The following NRF1 variants were observed in gnomAD, a reference collection of about 807,000 sequenced individuals.
NRF1 encodes the protein alpha palindromic-binding protein.
NRF1 carries 5 observed loss-of-function variants against 58.5 expected under a neutral mutation model. The observed-to-expected ratio is 0.09, with a 90% CI of 0.04 to 0.18. The LOEUF is 0.18. Among genes scored for constraint, NRF1 ranks in the 10% least tolerant of loss-of-function variants. The pLI is 1.00. For missense variants in NRF1, 288 were observed against 657.7 expected (o/e 0.44, Z 6.15); for synonymous variants, 224 against 246.7 (o/e 0.91, Z 0.86).
rs570443253 is a variant in NRF1 at position 129,716,001 on chromosome 7, G to A, written c.1066-1218G>A. On this transcript the variant is annotated intron_variant, in intron 8 of 10. Coordinates refer to ENST00000393232, the MANE Select transcript of NRF1 (RefSeq NM_005011.5). ...GCCTGGGCAACAAGAGCAAAACTCC[G>A]TCTCCAACAACAAAAAAAAAAAAGC... is the stretch of plus-strand genomic sequence containing the variant. Among the ~76,000 whole-genome samples, 58 of 147,872 alleles carry A rather than the reference G, an allele frequency of 3.9e-4. 1 individual carries two copies. The highest frequency in any genetic ancestry group is 2.8e-4 in the Non-Finnish European group (19 of 67,378).
At chr7:129,690,597 G>A in intron 5 of NRF1, 51 bp downstream of exon 5, 1 of 1,600,786 alleles carries the variant, frequency 6.2e-7, no homozygotes, top group African/African-American at 1.3e-5. Context: ...GCACAGGTGT[G>A]GGCGGGCCTC....
chr7:129,700,407 A>T (rs1231995531), intron 5 of NRF1, among the ~76,000 whole-genome samples: 3 of 152,142 alleles, frequency 2.0e-5, no homozygotes, highest in Non-Finnish European at 4.4e-5. Flanking sequence ...GTCTTCAGGG[A>T]TGGATCTAGG....
intron 9 of NRF1, among the ~76,000 whole-genome samples, chr7:129,726,899 G>C (rs369944924): frequency 7.6e-4 from 116 of 152,248 alleles, no homozygotes; most frequent in African/African-American, 2.6e-3. Flanking sequence ...TGTGAATATG[G>C]ATCAGAGCTT....
chr7:129,648,909 A>G (rs1056160984), intron 1 of NRF1, among the ~76,000 whole-genome samples: 1 of 137,872 alleles, frequency 7.3e-6, no homozygotes, highest in Non-Finnish European at 1.6e-5. Context: ...ATGTACAACT[A>G]TAGCTTCATT....
At chr7:129,635,469 T>C (rs986779666) in intron 1 of NRF1, among the ~76,000 whole-genome samples, 7 of 152,176 alleles carry the variant, frequency 4.6e-5, no homozygotes, top group African/African-American at 1.7e-4. Flanking sequence ...TCATACTGTT[T>C]GTATAATTCT....
chr7:129,699,975 TAA>T (rs11426755), intron 5 of NRF1, among the ~76,000 whole-genome samples: 2 of 143,044 alleles, frequency 1.4e-5, no homozygotes, highest in African/African-American at 2.6e-5. Flanking sequence ...CCGTCTCCAC[TAA>T]AAAAAAAAAA....
At chr7:129,717,494 C>T in intron 9 of NRF1, 118 bp downstream of exon 9, 1 of 1,096,224 alleles carries the variant, frequency 9.1e-7, no homozygotes, top group Non-Finnish European at 1.3e-6. Context: ...TGGAACTTAA[C>T]ACTCTTGGCC....
intron 10 of NRF1, among the ~76,000 whole-genome samples, chr7:129,731,290 G>A (rs1803573362): frequency 6.8e-6 from 1 of 147,114 alleles, no homozygotes; most frequent in African/African-American, 2.5e-5. Context: ...AAAAAAAAAG[G>A]TAATGACCCA....
chr7:129,679,919 G>A (rs1251617341), intron 4 of NRF1, among the ~76,000 whole-genome samples: 5 of 150,368 alleles, frequency 3.3e-5, no homozygotes, highest in African/African-American at 1.2e-4. Flanking sequence ...TTAGCCAGAC[G>A]TGGTGGCGGG....
chr7:129,674,586 A>C (rs1156729953), intron 3 of NRF1, among the ~76,000 whole-genome samples: 1 of 151,880 alleles, frequency 6.6e-6, no homozygotes, highest in Non-Finnish European at 1.5e-5. Context: ...GGTGCATGTC[A>C]CCATACCTGG....
intron 8 of NRF1, among the ~76,000 whole-genome samples, chr7:129,716,502 G>C (rs1803192614): frequency 6.6e-6 from 1 of 151,842 alleles, no homozygotes; most frequent in South Asian, 2.1e-4. Flanking sequence ...ACAAAAAATT[G>C]TATATATTTA....
intron 3 of NRF1, among the ~76,000 whole-genome samples, chr7:129,674,895 A>G (rs1802140951): frequency 6.6e-6 from 1 of 152,198 alleles, no homozygotes; most frequent in Admixed American, 6.5e-5. Flanking sequence ...TTTCTTAAAA[A>G]TAATACAACA....
chr7:129,615,192 T>C (rs1271362398), intron 1 of NRF1, among the ~76,000 whole-genome samples: 2 of 152,242 alleles, frequency 1.3e-5, no homozygotes, highest in Non-Finnish European at 2.9e-5. Flanking sequence ...AGGAAGTTAA[T>C]GTATACATTC....
At chr7:129,726,276 A>G (rs1158489684) in intron 9 of NRF1, among the ~76,000 whole-genome samples, 1 of 152,208 alleles carries the variant, frequency 6.6e-6, no homozygotes, top group East Asian at 1.9e-4. Flanking sequence ...ACATTTTTAC[A>G]TCTCTGAAAT....
chr7:129,754,281 C>T (rs1427546683), intron 10 of NRF1, among the ~76,000 whole-genome samples: 1 of 149,144 alleles, frequency 6.7e-6, no homozygotes, highest in Non-Finnish European at 1.5e-5. Flanking sequence ...GGCAACACAG[C>T]AAGACTCCAT....
chr7:129,684,328 G>T (rs927882259), intron 4 of NRF1, among the ~76,000 whole-genome samples: 2 of 152,182 alleles, frequency 1.3e-5, no homozygotes, highest in African/African-American at 4.8e-5. Flanking sequence ...TGTAATTGCA[G>T]ACAAGAAGAG....
At position 129,733,869 on chromosome 7, in the gene NRF1, T is replaced by C. The variant is rs149871478; in HGVS notation, c.1348+6504T>C. Among the ~76,000 whole-genome samples, 369 of 152,002 alleles carry C rather than the reference T, an allele frequency of 2.4e-3. 5 individuals are homozygous for C. Among genetic ancestry groups the C allele is most frequent in the East Asian group, 0.022 (115 of 5,166 alleles). ...TGAAACCCTGTTTCTACAAAAAATA[T>C]AAAAATTAGCCCAGCACTGGGCTCA... On this transcript the variant is annotated intron_variant, in intron 10 of 10. Coordinates refer to ENST00000393232, the MANE Select transcript of NRF1 (RefSeq NM_005011.5).
chr7:129,695,054 T>C (rs1006784653), intron 5 of NRF1, among the ~76,000 whole-genome samples: 1 of 152,210 alleles, frequency 6.6e-6, no homozygotes, highest in East Asian at 1.9e-4. Flanking sequence ...TTGCTCTTTA[T>C]TGCAGTGAAT....
intron 1 of NRF1, among the ~76,000 whole-genome samples, chr7:129,627,209 T>C (rs1000483438): frequency 6.6e-6 from 1 of 152,104 alleles, no homozygotes. Flanking sequence ...AAAGTGCTTT[T>C]GTTAATTAAT....
Sources: gnomAD v4.1 joint callset for allele counts (sites outside exome capture counted in the v4.1 genomes callset) on GRCh38, gnomAD v4.1.1 for gene constraint, MANE v1.5 for transcripts, NCBI Gene and HGNC (gene_info 2026-07-23, HGNC 2026-07-21) for gene names.